The following LARGE1 variants were observed in gnomAD, a reference collection of about 807,000 sequenced individuals.
LARGE1 encodes LARGE xylosyl- and glucuronyltransferase 1.
A neutral mutation model predicts 87.6 loss-of-function variants in LARGE1; 43 were observed. The observed-to-expected ratio is 0.49, with a 90% CI of 0.38 to 0.63. LARGE1 has a LOEUF of 0.63. LARGE1 is among the 30% of genes least tolerant of loss of function. The pLI, the probability that LARGE1 is intolerant of heterozygous loss-of-function variation, is 0.00. For missense variants in LARGE1, 802 were observed against 1,000.2 expected (o/e 0.80, Z 2.67); for synonymous variants, 434 against 394.6 (o/e 1.10, Z -1.18).
intron 2 of LARGE1, among the ~76,000 whole-genome samples, chr22:33,682,576 T>C (rs2081809131): frequency 6.6e-6 from 1 of 152,220 alleles, no homozygotes; most frequent in South Asian, 2.1e-4. Context: ...TCTGCCCTCA[T>C]ACCATCTTCC....
chr22:33,793,586 T>C (rs181007385), intron 1 of LARGE1, among the ~76,000 whole-genome samples: 180 of 152,364 alleles, frequency 1.2e-3, no homozygotes, highest in Non-Finnish European at 1.7e-3. Context: ...GAATATTGCT[T>C]CTTTTCTCAG....
At chr22:33,210,771 C>T (rs553960984) in intron 11 of LARGE1, among the ~76,000 whole-genome samples, 1 of 152,346 alleles carries the variant, frequency 6.6e-6, no homozygotes, top group African/African-American at 2.4e-5. Context: ...ACCTCTCTTC[C>T]CTCTCTGGCT....
intron 2 of LARGE1, among the ~76,000 whole-genome samples, chr22:33,689,906 G>A (rs532522246): frequency 6.6e-6 from 1 of 151,814 alleles, no homozygotes; most frequent in South Asian, 2.1e-4. Flanking sequence ...CAGCCTGGGT[G>A]ACAGGGCGAG....
chr22:33,883,553 T>A (rs1444951106), intron 1 of LARGE1, among the ~76,000 whole-genome samples: 2 of 152,246 alleles, frequency 1.3e-5, no homozygotes, highest in Non-Finnish European at 1.5e-5. Context: ...TCTCTTCCAA[T>A]GCACACTGTG....
intron 2 of LARGE1, among the ~76,000 whole-genome samples, chr22:33,731,436 C>T (rs1341557208): frequency 6.6e-6 from 1 of 152,048 alleles, no homozygotes; most frequent in Non-Finnish European, 1.5e-5. Flanking sequence ...CTGTTAAATT[C>T]AGGAAAGGGA....
intron 1 of LARGE1, among the ~76,000 whole-genome samples, chr22:33,882,947 C>A (rs1199997743): frequency 6.6e-6 from 1 of 152,122 alleles, no homozygotes; most frequent in Admixed American, 6.6e-5. Context: ...TCCACAAATC[C>A]AAGAGGCCAT....
chr22:33,456,917 A>T (rs1172218246), intron 6 of LARGE1, among the ~76,000 whole-genome samples: 1 of 152,224 alleles, frequency 6.6e-6, no homozygotes, highest in African/African-American at 2.4e-5. Flanking sequence ...TCTGCAACTT[A>T]TAAAACTTGG....
intron 5 of LARGE1, among the ~76,000 whole-genome samples, chr22:33,578,909 T>C (rs762992714): frequency 1.2e-4 from 19 of 152,298 alleles, no homozygotes; most frequent in Non-Finnish European, 2.6e-4. Context: ...GCAGTTATAA[T>C]AGAGTCATAC....
At chr22:33,548,277 C>A (rs781403657) in intron 6 of LARGE1, among the ~76,000 whole-genome samples, 1 of 152,236 alleles carries the variant, frequency 6.6e-6, no homozygotes, top group African/African-American at 2.4e-5. Context: ...AAGATGCCTG[C>A]CCCCGCTCTG....
At chr22:33,685,395 T>G (rs1255048883) in intron 2 of LARGE1, among the ~76,000 whole-genome samples, 1 of 152,212 alleles carries the variant, frequency 6.6e-6, no homozygotes, top group Non-Finnish European at 1.5e-5. Flanking sequence ...ATCCAAATTA[T>G]AGAACCCAGT....
the LARGE1 span, among the ~76,000 whole-genome samples, chr22:33,083,740 T>C: frequency 2.0e-5 from 3 of 152,138 alleles, no homozygotes; most frequent in African/African-American, 7.2e-5. Context: ...TGCCACACAA[T>C]GTAAGAGGTC....
At chr22:33,374,933 T>C (rs1187509890) in intron 9 of LARGE1, among the ~76,000 whole-genome samples, 1 of 152,200 alleles carries the variant, frequency 6.6e-6, no homozygotes. Context: ...TTGTTTTGAA[T>C]TCTTCTTTAA....
chr22:33,795,334 T>C (rs1396813609), intron 1 of LARGE1, among the ~76,000 whole-genome samples: 1 of 152,224 alleles, frequency 6.6e-6, no homozygotes, highest in Non-Finnish European at 1.5e-5. Flanking sequence ...CTTACTTATA[T>C]GTAGGTTTAC....
chr22:33,104,887 CTCTCTTTCTTTCTTTCTT>C, the LARGE1 span, among the ~76,000 whole-genome samples: 775 of 139,838 alleles, frequency 5.5e-3, 11 homozygotes, highest in Admixed American at 0.015. Flanking sequence ...TAGACTTTCT[CTCTCTTTCTTTCTTTCTT>C]TCTTTCTTTC....
chr22:33,261,609 A>AG (rs1055097696), intron 11 of LARGE1, among the ~76,000 whole-genome samples: 1 of 123,470 alleles, frequency 8.1e-6, no homozygotes, highest in African/African-American at 4.7e-5. Context: ...AAATCAAAAA[A>AG]GAAAAAAAAA....
intron 2 of LARGE1, among the ~76,000 whole-genome samples, chr22:33,655,643 G>A (rs1409775573): frequency 6.6e-6 from 1 of 152,140 alleles, no homozygotes; most frequent in African/African-American, 2.4e-5. Context: ...ACAAATAGAA[G>A]GACGAACAAC....
At chr22:33,155,484 C>T in the LARGE1 span, among the ~76,000 whole-genome samples, 2 of 152,112 alleles carry the variant, frequency 1.3e-5, no homozygotes, top group African/African-American at 4.8e-5. Flanking sequence ...TGCCCCTTTC[C>T]TAGAGATCTG....
the LARGE1 span, among the ~76,000 whole-genome samples, chr22:33,136,442 C>G: frequency 2.0e-5 from 3 of 152,102 alleles, no homozygotes; most frequent in Admixed American, 1.3e-4. Context: ...GAGAAACCAC[C>G]CCCATGATTA....
intron 1 of LARGE1, among the ~76,000 whole-genome samples, chr22:33,771,987 G>A (rs1175459903): frequency 2.6e-5 from 4 of 152,036 alleles, no homozygotes; most frequent in African/African-American, 7.2e-5. Context: ...AGCTACCATC[G>A]CCCCATGCCC....
Sources: allele counts gnomAD v4.1 joint callset (sites outside exome capture counted in the v4.1 genomes callset), GRCh38; gene constraint gnomAD v4.1.1; transcripts MANE v1.5; gene names NCBI Gene and HGNC (gene_info 2026-07-23, HGNC 2026-07-21).